Variants in DAB1 observed in about 807,000 individuals in gnomAD.
DAB1 encodes disabled homolog 1.
In DAB1, 15 loss-of-function variants were observed where a neutral mutation model predicts 64.6. The observed-to-expected ratio is 0.23, with a 90% confidence interval of 0.16 to 0.36. The LOEUF is 0.36. Among genes scored for constraint, DAB1 ranks in the 10% least tolerant of loss-of-function variants. The pLI is 1.00. For missense variants in DAB1, 596 were observed against 706.7 expected (o/e 0.84, Z 1.78); for synonymous variants, 235 against 251.9 (o/e 0.93, Z 0.64).
At chr1:57,677,781 A>G (rs6701172) in intron 6 of DAB1, among the ~76,000 whole-genome samples, 70,120 of 152,024 alleles carry the variant, frequency 0.46, 16,783 homozygotes, top group East Asian at 0.71. Flanking sequence ...TATGGATTGA[A>G]TGCTCATTCT....
chr1:58,187,990 C>A (rs1293745041), intron 4 of DAB1, among the ~76,000 whole-genome samples: 3 of 151,484 alleles, frequency 2.0e-5, no homozygotes, highest in African/African-American at 7.3e-5. Flanking sequence ...CTCACTGCAA[C>A]CTCTGCCTCC....
intron 5 of DAB1, among the ~76,000 whole-genome samples, chr1:57,981,804 C>A (rs75676229): frequency 0.011 from 1,716 of 152,304 alleles, 35 homozygotes; most frequent in African/African-American, 0.04. Flanking sequence ...CATTATTGCA[C>A]AAGTTATTTC....
At chr1:57,220,585 GGCAAAGGATATGAACAGACACT>G (rs1666786858) in intron 2 of DAB1, among the ~76,000 whole-genome samples, 1 of 152,124 alleles carries the variant, frequency 6.6e-6, no homozygotes, top group South Asian at 2.1e-4. Context: ...TCAAAAAGTG[GGCAAAGGATATGAACAGACACT>G]TCTCAAAAGA....
chr1:58,257,265 C>T (rs889398993), intron 4 of DAB1, among the ~76,000 whole-genome samples: 8 of 152,170 alleles, frequency 5.3e-5, no homozygotes, highest in East Asian at 1.9e-4. Context: ...CAGGGAGTGA[C>T]GCAGTTGACA....
intron 4 of DAB1, among the ~76,000 whole-genome samples, chr1:58,300,646 G>GAGAGGA (rs1662140791): frequency 1.9e-4 from 11 of 57,338 alleles, no homozygotes; most frequent in African/African-American, 5.3e-4. Flanking sequence ...GAGAGAGAGA[G>GAGAGGA]AGGAAGGAAG....
At chr1:58,465,420 A>C (rs1645286433) in intron 3 of DAB1, among the ~76,000 whole-genome samples, 1 of 152,208 alleles carries the variant, frequency 6.6e-6, no homozygotes. Flanking sequence ...CCCCGCAGGA[A>C]TTCTCAGTTT....
intron 2 of DAB1, among the ~76,000 whole-genome samples, chr1:57,160,796 T>C (rs1210226593): frequency 6.6e-6 from 1 of 152,160 alleles, no homozygotes; most frequent in African/African-American, 2.4e-5. Context: ...AATGCTTACC[T>C]TGCAGGATGA....
intron 2 of DAB1, among the ~76,000 whole-genome samples, chr1:57,267,037 A>C (rs529222968): frequency 6.6e-6 from 1 of 152,230 alleles, no homozygotes; most frequent in South Asian, 2.1e-4. Flanking sequence ...ATGAATGTGA[A>C]CAAATTTGGA....
chr1:57,452,379 A>G (rs1570534023), intron 7 of DAB1, among the ~76,000 whole-genome samples: 2 of 152,260 alleles, frequency 1.3e-5, no homozygotes, highest in East Asian at 3.9e-4. Flanking sequence ...AGGATGAGAA[A>G]TAAAATGGTC....
At chr1:58,320,254 CA>C (rs1309241659) in intron 4 of DAB1, among the ~76,000 whole-genome samples, 1 of 152,198 alleles carries the variant, frequency 6.6e-6, no homozygotes, top group African/African-American at 2.4e-5. Context: ...GGCAGTGACA[CA>C]AATTGAATAC....
intron 4 of DAB1, among the ~76,000 whole-genome samples, chr1:57,088,432 T>G (rs771454035): frequency 6.6e-6 from 1 of 152,198 alleles, no homozygotes; most frequent in African/African-American, 2.4e-5. Context: ...TAGTCTCCCT[T>G]AAAGTGCCTG....
intron 1 of DAB1, among the ~76,000 whole-genome samples, chr1:58,533,007 A>G (rs887599253): frequency 6.6e-6 from 1 of 152,234 alleles, no homozygotes; most frequent in Non-Finnish European, 1.5e-5. Flanking sequence ...AGTTAATGTT[A>G]CTTGTATTTC....
intron 6 of DAB1, among the ~76,000 whole-genome samples, chr1:57,669,905 G>C (rs1291006212): frequency 6.6e-6 from 1 of 152,120 alleles, no homozygotes; most frequent in African/African-American, 2.4e-5. Flanking sequence ...TGGAATTCAG[G>C]ATTTACTAGA....
intron 2 of DAB1, among the ~76,000 whole-genome samples, chr1:57,241,068 G>T (rs1246303790): frequency 6.6e-6 from 1 of 152,156 alleles, no homozygotes; most frequent in East Asian, 1.9e-4. Context: ...ATGAAAACTA[G>T]GGATGAGATG....
At chr1:57,170,329 A>T (rs1661624929) in intron 2 of DAB1, among the ~76,000 whole-genome samples, 1 of 151,936 alleles carries the variant, frequency 6.6e-6, no homozygotes, top group African/African-American at 2.4e-5. Context: ...TCATTAAATA[A>T]TTTTTTCCTT....
intron 2 of DAB1, among the ~76,000 whole-genome samples, chr1:57,271,551 G>A (rs554931295): frequency 2.0e-5 from 3 of 152,312 alleles, no homozygotes; most frequent in African/African-American, 4.8e-5. Context: ...TCACAGGGTT[G>A]GTGAAGAACT....
At chr1:58,539,905 G>A (rs1646578150) in intron 1 of DAB1, among the ~76,000 whole-genome samples, 1 of 152,172 alleles carries the variant, frequency 6.6e-6, no homozygotes, top group Non-Finnish European at 1.5e-5. Flanking sequence ...AGAGCTCACA[G>A]GACAGAGGAC....
rs574656029 is a variant in DAB1, at chr1:57,192,109, G to T, written c.68-46680C>A. On this transcript the variant is annotated intron_variant, in intron 2 of 14. Transcript: ENST00000371236. ...AGGCAGGCAGATCACTTGAGGTCAG[G>T]AGTTTGAGACTAGCCTTGCCAACAT... Among the ~76,000 whole-genome samples the T allele has an allele frequency of 2.6e-4, 39 of 152,232 alleles. 2 individuals are homozygous for T. Among genetic ancestry groups the T allele is most frequent in the Admixed American group, 2.0e-3 (30 of 15,288 alleles).
At chr1:57,861,399 T>C (rs934459530) in intron 1 of DAB1, among the ~76,000 whole-genome samples, 1 of 152,194 alleles carries the variant, frequency 6.6e-6, no homozygotes, top group Non-Finnish European at 1.5e-5. Flanking sequence ...CAGCTAGTTG[T>C]CTAGCCTCTT....
Sources: allele counts gnomAD v4.1 joint callset (sites outside exome capture counted in the v4.1 genomes callset), GRCh38; gene constraint gnomAD v4.1.1; transcripts MANE v1.5; gene names NCBI Gene and HGNC (gene_info 2026-07-23, HGNC 2026-07-21).